Variants in LRRC4C observed in about 807,000 individuals in gnomAD.
LRRC4C encodes leucine rich repeat containing 4C.
LRRC4C carries 5 observed loss-of-function variants against 33.6 expected under a neutral mutation model. The observed-to-expected ratio is 0.15, with a 90% CI of 0.08 to 0.31. The LOEUF is 0.31. Ranked by LOEUF, LRRC4C falls within the 10% of genes least tolerant of loss-of-function variation. The pLI, the probability that LRRC4C is intolerant of heterozygous loss-of-function variation, is 1.00. For missense variants in LRRC4C, 560 were observed against 796.7 expected, an observed-to-expected ratio of 0.70 and a Z score of 3.58; for synonymous variants, 329 against 302.0, an observed-to-expected ratio of 1.09 and a Z score of -0.93.
intron 1 of LRRC4C, among the ~76,000 whole-genome samples, chr11:41,003,676 T>A (rs971616715): frequency 2.0e-5 from 3 of 151,716 alleles, no homozygotes; most frequent in African/African-American, 7.3e-5. Context: ...TTGTGAATAG[T>A]TTCAAGGGAG....
intron 1 of LRRC4C, among the ~76,000 whole-genome samples, chr11:41,158,119 A>C (rs1044226236): frequency 3.3e-5 from 5 of 152,054 alleles, no homozygotes; most frequent in Admixed American, 2.6e-4. Flanking sequence ...TTATTCCCAC[A>C]ATAAGCCTAA....
chr11:40,828,450 T>C (rs1952263065), intron 2 of LRRC4C, among the ~76,000 whole-genome samples: 1 of 151,840 alleles, frequency 6.6e-6, no homozygotes, highest in Admixed American at 6.6e-5. Flanking sequence ...TGACATATTG[T>C]AGGAACAAAT....
At chr11:40,466,484 G>A (rs1339073859) in intron 3 of LRRC4C, among the ~76,000 whole-genome samples, 1 of 151,502 alleles carries the variant, frequency 6.6e-6, no homozygotes, top group Non-Finnish European at 1.5e-5. Flanking sequence ...GGAAAATAAA[G>A]GCAGGCAGTT....
chr11:40,175,248 A>T (rs530284503), intron 5 of LRRC4C, among the ~76,000 whole-genome samples: 5 of 152,394 alleles, frequency 3.3e-5, no homozygotes, highest in African/African-American at 1.2e-4. Context: ...CATCACTAAA[A>T]GAGAATTCAC....
chr11:40,165,256 A>G (rs1429143075), intron 5 of LRRC4C, among the ~76,000 whole-genome samples: 2 of 152,122 alleles, frequency 1.3e-5, no homozygotes, highest in Non-Finnish European at 2.9e-5. Flanking sequence ...GTCTGTATCT[A>G]TATGTATCCG....
chr11:40,684,332 A>T (rs1311844095), intron 2 of LRRC4C, among the ~76,000 whole-genome samples: 1 of 152,108 alleles, frequency 6.6e-6, no homozygotes, highest in Non-Finnish European at 1.5e-5. Context: ...AATCACAGAA[A>T]TTAAAAAAAA....
chr11:40,979,963 A>T (rs1291636515), intron 1 of LRRC4C, among the ~76,000 whole-genome samples: 1 of 152,218 alleles, frequency 6.6e-6, no homozygotes, highest in Non-Finnish European at 1.5e-5. Context: ...AAAATTTCTT[A>T]GGGATGGAGA....
chr11:40,575,062 G>A (rs1006699474), intron 3 of LRRC4C, among the ~76,000 whole-genome samples: 2 of 152,246 alleles, frequency 1.3e-5, no homozygotes, highest in African/African-American at 4.8e-5. Flanking sequence ...CCCAAAAGAT[G>A]AGCTCATGCA....
intron 2 of LRRC4C, among the ~76,000 whole-genome samples, chr11:40,783,977 T>C (rs774019423): frequency 5.3e-5 from 8 of 152,250 alleles, no homozygotes; most frequent in Middle Eastern, 3.4e-3. Context: ...AATACCGCTA[T>C]TTAAAAAAAT....
chr11:40,575,524 A>G (rs1187240982), intron 3 of LRRC4C, among the ~76,000 whole-genome samples: 1 of 152,180 alleles, frequency 6.6e-6, no homozygotes, highest in Non-Finnish European at 1.5e-5. Context: ...AAGGGTTCCA[A>G]GAATTATTTT....
chr11:40,698,991 C>G (rs146229222), intron 2 of LRRC4C, among the ~76,000 whole-genome samples: 2 of 152,032 alleles, frequency 1.3e-5, no homozygotes, highest in African/African-American at 4.8e-5. Flanking sequence ...GGGAACACAG[C>G]CAAACCATAT....
chr11:40,510,449 T>A (rs1198167471), intron 3 of LRRC4C, among the ~76,000 whole-genome samples: 3 of 152,102 alleles, frequency 2.0e-5, no homozygotes, highest in African/African-American at 7.2e-5. Context: ...ACTATTTTAC[T>A]CAATATTTCC....
At chr11:40,262,944 A>G (rs1176512601) in intron 4 of LRRC4C, among the ~76,000 whole-genome samples, 2 of 151,902 alleles carry the variant, frequency 1.3e-5, no homozygotes, top group African/African-American at 2.4e-5. Context: ...ACAAACCTGC[A>G]CATTCTGCCC....
chr11:40,732,405 T>C (rs891241297), intron 2 of LRRC4C, among the ~76,000 whole-genome samples: 1 of 152,186 alleles, frequency 6.6e-6, no homozygotes, highest in Non-Finnish European at 1.5e-5. Context: ...TGATGGTCTC[T>C]CTAGTTCATT....
chr11:40,876,727 A>C (rs1954911225), intron 2 of LRRC4C, among the ~76,000 whole-genome samples: 1 of 151,746 alleles, frequency 6.6e-6, no homozygotes, highest in Non-Finnish European at 1.5e-5. Flanking sequence ...ACTTGGTGAA[A>C]CCCCATCTCT....
chr11:41,293,633 G>A (rs1279622669), intron 1 of LRRC4C, among the ~76,000 whole-genome samples: 1 of 151,664 alleles, frequency 6.6e-6, no homozygotes, highest in Non-Finnish European at 1.5e-5. Context: ...TTTCACTCCT[G>A]TGGCCCAGGC....
intron 1 of LRRC4C, among the ~76,000 whole-genome samples, chr11:41,171,615 G>C (rs564641945): frequency 1.3e-5 from 2 of 149,730 alleles, no homozygotes; most frequent in East Asian, 4.0e-4. Flanking sequence ...GTGGCGGGAG[G>C]GGGGAGGGAT....
At chr11:40,452,849 C>A (rs2138096863) in intron 3 of LRRC4C, among the ~76,000 whole-genome samples, 1 of 152,192 alleles carries the variant, frequency 6.6e-6, no homozygotes, top group South Asian at 2.1e-4. Context: ...TACTATGCAG[C>A]CATAAAAAAT....
chr11:40,666,305 T>G (rs1396921449), intron 2 of LRRC4C, among the ~76,000 whole-genome samples: 1 of 152,124 alleles, frequency 6.6e-6, no homozygotes, highest in Non-Finnish European at 1.5e-5. Context: ...TACATTTATA[T>G]AGAGGGAAGG....
Sources: allele counts gnomAD v4.1 joint callset (sites outside exome capture counted in the v4.1 genomes callset), GRCh38; gene constraint gnomAD v4.1.1; transcripts MANE v1.5; gene names NCBI Gene and HGNC (gene_info 2026-07-23, HGNC 2026-07-21).